CNDP1: variants seen among roughly 807,000 people sequenced by gnomAD.
The protein encoded by CNDP1 is carnosine dipeptidase 1.
Under a neutral mutation model 58.1 loss-of-function variants are expected in CNDP1, and 44 were observed. That is an observed-to-expected ratio of 0.76 (90% CI 0.60 to 0.97). The LOEUF is 0.97. Among genes scored for constraint, CNDP1 ranks in the 50% least tolerant of loss-of-function variants. CNDP1 has a pLI of 0.00. For synonymous variants in CNDP1, 254 were observed against 252.6 expected (o/e 1.01, Z -0.05); for missense variants, 616 against 655.1 (o/e 0.94, Z 0.65).
chr18:74,536,715 C>G (rs994432687), intron 1 of CNDP1, among the ~76,000 whole-genome samples: 6 of 152,170 alleles, frequency 3.9e-5, no homozygotes, highest in African/African-American at 1.2e-4. Flanking sequence ...TGAGGAATTG[C>G]CACACTGCTT....
chr18:74,547,101 C>T (rs73478607), intron 1 of CNDP1, among the ~76,000 whole-genome samples: 120 of 152,370 alleles, frequency 7.9e-4, no homozygotes, highest in Middle Eastern at 3.4e-3. Context: ...GGCTCAGCTC[C>T]GTGCCTACAG....
chr18:74,561,100 T>C (rs908415293), intron 4 of CNDP1, 82 bp downstream of exon 4: 9 of 1,528,234 alleles, frequency 5.9e-6, no homozygotes, highest in Non-Finnish European at 7.1e-6. Flanking sequence ...TGTCCCTGGG[T>C]TTTGGGTCTC....
At chr18:74,555,080 C>T (rs765347209) in intron 1 of CNDP1, among the ~76,000 whole-genome samples, 9 of 152,150 alleles carry the variant, frequency 5.9e-5, no homozygotes, top group Non-Finnish European at 1.0e-4. Flanking sequence ...AACCCCTGCT[C>T]ACCTCCACCT....
intron 1 of CNDP1, among the ~76,000 whole-genome samples, chr18:74,540,029 A>T (rs1980577908): frequency 2.0e-5 from 3 of 152,228 alleles, no homozygotes; most frequent in African/African-American, 7.2e-5. Flanking sequence ...ATTCCTTTAG[A>T]TCAACAAATA....
At chr18:74,552,294 T>C (rs1275352940) in intron 1 of CNDP1, among the ~76,000 whole-genome samples, 1 of 152,268 alleles carries the variant, frequency 6.6e-6, no homozygotes, top group East Asian at 1.9e-4. Flanking sequence ...TGTGATATAA[T>C]TCTTATACCT....
At chr18:74,564,301 G>T (rs1474036449) in intron 5 of CNDP1, among the ~76,000 whole-genome samples, 3 of 152,114 alleles carry the variant, frequency 2.0e-5, no homozygotes, top group African/African-American at 7.2e-5. Flanking sequence ...GGTTCTCAAA[G>T]ATATGAAGTT....
intron 5 of CNDP1, among the ~76,000 whole-genome samples, chr18:74,562,750 C>T (rs1981234173): frequency 6.6e-6 from 1 of 152,194 alleles, no homozygotes; most frequent in Non-Finnish European, 1.5e-5. Context: ...CTCCAGAGGA[C>T]ATTGTTGGTG....
chr18:74,560,205 A>C (rs539879975), intron 3 of CNDP1, among the ~76,000 whole-genome samples: 141 of 152,032 alleles, frequency 9.3e-4, no homozygotes, highest in African/African-American at 3.2e-3. Flanking sequence ...TATTAGACAC[A>C]GGGTTTCACC....
At chr18:74,554,224 T>G (rs1980980291) in intron 1 of CNDP1, among the ~76,000 whole-genome samples, 1 of 152,226 alleles carries the variant, frequency 6.6e-6, no homozygotes, top group Admixed American at 6.5e-5. Context: ...AGGTTCTCTG[T>G]GGTCACTCAG....
chr18:74,580,042 C>T (rs4892247), intron 9 of CNDP1, 88 bp from the exon 10 acceptor site: 789,310 of 1,164,230 alleles, frequency 0.68, 269,221 homozygotes, highest in East Asian at 0.82. Flanking sequence ...ATTAACTGTA[C>T]TAATCAGTTT....
At chr18:74,542,599 T>C (rs892229244) in intron 1 of CNDP1, among the ~76,000 whole-genome samples, 1 of 152,228 alleles carries the variant, frequency 6.6e-6, no homozygotes, top group African/African-American at 2.4e-5. Context: ...TGTTTGTTTT[T>C]TTGTTTTTGA....
intron 2 of CNDP1, among the ~76,000 whole-genome samples, chr18:74,557,419 TA>T (rs1212909436): frequency 6.6e-6 from 1 of 151,464 alleles, no homozygotes; most frequent in Non-Finnish European, 1.5e-5. Context: ...GGAGTGGGGG[TA>T]AAGTAGAGGG....
chr18:74,581,115 A>G (rs2144580241), intron 10 of CNDP1, among the ~76,000 whole-genome samples: 1 of 151,442 alleles, frequency 6.6e-6, no homozygotes, highest in South Asian at 2.1e-4. Context: ...TCCTGGTCAC[A>G]AAGAGACTGG....
intron 1 of CNDP1, among the ~76,000 whole-genome samples, chr18:74,537,678 C>T (rs1244887556): frequency 6.6e-6 from 1 of 152,162 alleles, no homozygotes; most frequent in Non-Finnish European, 1.5e-5. Context: ...GGATGGGGCA[C>T]ATGCAGTGAG....
intron 1 of CNDP1, among the ~76,000 whole-genome samples, chr18:74,548,625 T>G (rs1354263997): frequency 6.6e-6 from 1 of 152,156 alleles, no homozygotes; most frequent in Non-Finnish European, 1.5e-5. Context: ...CCTGAAAATG[T>G]GGAGGCAACT....
intron 3 of CNDP1, 96 bp downstream of exon 3, chr18:74,559,568 C>T (rs552961216): frequency 7.8e-6 from 9 of 1,151,922 alleles, no homozygotes; most frequent in Non-Finnish European, 1.1e-5. Context: ...CCCTGATCCT[C>T]AACCACAACC....
intron 7 of CNDP1, among the ~76,000 whole-genome samples, chr18:74,575,804 GGTAT>G (rs201313755): frequency 0.022 from 3,144 of 144,994 alleles, 114 homozygotes; most frequent in African/African-American, 0.073. Flanking sequence ...TGGTTTCTCA[GGTAT>G]GTATGTATGT....
Position 74,560,949 on chromosome 18 carries a change from T to C in CNDP1, c.397T>C (p.Leu133=), listed in dbSNP as rs1272105168. The change falls in exon 4 of 12, where the codon TTG becomes CTG. Residue 133 remains leucine, a synonymous_variant. Transcript: ENST00000358821. Reference sequence around the variant, plus strand: ...AGGCACCGTGTGCTTCTACGGCCACTTGGACGTGCAGCCTGCTGACCGGGG... The same window carrying C: ...AGGCACCGTGTGCTTCTACGGCCACCTGGACGTGCAGCCTGCTGACCGGGG... ...TKGTVCFYGH[L]DVQPADRGDG... is the part of the protein sequence containing the mutation. The C allele has an allele frequency of 6.2e-7, 1 of 1,614,128 alleles. No homozygotes were observed. The highest frequency in any genetic ancestry group is 1.1e-5 in the South Asian group (1 of 91,078).
intron 6 of CNDP1, among the ~76,000 whole-genome samples, chr18:74,568,819 G>A (rs1981395396): frequency 6.6e-6 from 1 of 152,146 alleles, no homozygotes; most frequent in Non-Finnish European, 1.5e-5. Flanking sequence ...GTAAGGTCTG[G>A]AGTCATCTGT....
Sources: gnomAD v4.1 joint callset for allele counts (sites outside exome capture counted in the v4.1 genomes callset) on GRCh38, gnomAD v4.1.1 for gene constraint, MANE v1.5 for transcripts, NCBI Gene and HGNC (gene_info 2026-07-23, HGNC 2026-07-21) for gene names.